Variants in NOTCH2NLC observed in about 807,000 individuals in gnomAD.
NOTCH2NLC encodes notch homolog 2 N-terminal-like protein C.
NOTCH2NLC carries 4 observed loss-of-function variants against 17.7 expected under a neutral mutation model. The ratio of observed to expected loss-of-function variants is 0.23; its 90% CI spans 0.11 to 0.52. The LOEUF (loss-of-function observed/expected upper bound fraction) is 0.52, where lower values mean the gene tolerates loss of function less well. Ranked by LOEUF, NOTCH2NLC falls within the 20% of genes least tolerant of loss-of-function variation. The pLI is 0.96. For synonymous variants in NOTCH2NLC, 18 were observed against 86.0 expected (o/e 0.21, Z 4.38); for missense variants, 57 against 207.2 (o/e 0.28, Z 4.45).
intron 1 of NOTCH2NLC, among the ~76,000 whole-genome samples, chr1:149,392,931 C>G (rs1485642882): frequency 2.0e-5 from 3 of 150,052 alleles, no homozygotes; most frequent in Admixed American, 2.0e-4. Flanking sequence ...ATTAGCCGGG[C>G]GTAGTGGCGG....
intron 1 of NOTCH2NLC, among the ~76,000 whole-genome samples, chr1:149,395,007 GT>G (rs1222745306): frequency 2.3e-4 from 34 of 148,124 alleles, no homozygotes; most frequent in African/African-American, 7.7e-4. Context: ...GATGTTCATT[GT>G]TCATGGTCAC....
intron 3 of NOTCH2NLC, among the ~76,000 whole-genome samples, chr1:149,461,155 A>G (rs2084647845): frequency 6.7e-6 from 1 of 149,938 alleles, no homozygotes; most frequent in Non-Finnish European, 1.5e-5. Context: ...GGCTGGTCTC[A>G]AACTCCTAAC....
intron 1 of NOTCH2NLC, among the ~76,000 whole-genome samples, chr1:149,430,077 G>A (rs1448947241): frequency 1.3e-5 from 2 of 149,468 alleles, no homozygotes; most frequent in Non-Finnish European, 1.5e-5. Flanking sequence ...GGCAGATTTC[G>A]AGTAGACTTC....
chr1:149,400,470 TAGC>T (rs1274833318), intron 1 of NOTCH2NLC, among the ~76,000 whole-genome samples: 6 of 140,324 alleles, frequency 4.3e-5, no homozygotes, highest in African/African-American at 7.8e-5. Flanking sequence ...TGGAAATAAT[TAGC>T]AGTATATAAC....
In NOTCH2NLC at chr1:149,421,313, C is replaced by T. The variant is rs1352635913; in HGVS notation, c.136-9629C>T. On this transcript the variant is annotated intron_variant, in intron 1 of 4. Transcript: ENST00000650865. ...GAGATCCAGACCATCCTGGCTAACA[C>T]GGTGAAACCCTGTCTCTACTAAAAA... is the stretch of plus-strand genomic sequence containing the variant. 1.2e-4 allele frequency among the ~76,000 whole-genome samples: 18 copies of T among 146,508 alleles called. 1 individual carries two copies. Among genetic ancestry groups the T allele is most frequent in the African/African-American group, 3.0e-4 (12 of 39,970 alleles).
At chr1:149,446,298 G>A (rs1465839217) in intron 2 of NOTCH2NLC, among the ~76,000 whole-genome samples, 4 of 95,894 alleles carry the variant, frequency 4.2e-5, no homozygotes, top group South Asian at 4.2e-4. Flanking sequence ...GAGATGTGAG[G>A]GTTGGGGTCT....
chr1:149,461,536 A>T (rs1223364137), intron 3 of NOTCH2NLC, among the ~76,000 whole-genome samples: 1 of 150,890 alleles, frequency 6.6e-6, no homozygotes. Context: ...TGTGTCTCCC[A>T]TTTACCTTTC....
At chr1:149,426,877 T>A (rs2084415875) in intron 1 of NOTCH2NLC, among the ~76,000 whole-genome samples, 1 of 150,832 alleles carries the variant, frequency 6.6e-6, no homozygotes, top group African/African-American at 2.4e-5. Flanking sequence ...AATTTTGAAA[T>A]GAGATCTGTC....
chr1:149,424,902 C>G (rs2084404528), intron 1 of NOTCH2NLC, among the ~76,000 whole-genome samples: 1 of 151,234 alleles, frequency 6.6e-6, no homozygotes, highest in Non-Finnish European at 1.5e-5. Context: ...CGAGAACTCA[C>G]TCATTACTGT....
At chr1:149,462,256 T>TTTTCTA (rs2101513619) in intron 3 of NOTCH2NLC, among the ~76,000 whole-genome samples, 1 of 141,062 alleles carries the variant, frequency 7.1e-6, no homozygotes, top group East Asian at 2.1e-4. Flanking sequence ...GAGGATATTT[T>TTTTCTA]TTTCTCTTTC....
rs1241588481 is a variant in NOTCH2NLC at position 149,405,645 on chromosome 1, AACTG to A, written c.135+14727_135+14730del. On this transcript the variant is annotated intron_variant, in intron 1 of 4. Coordinates refer to ENST00000650865, the MANE Select transcript of NOTCH2NLC (RefSeq NM_001364013.2). ...TTTAATGTAAACATTTTGTGCACTA[AACTG>A]ACTTACATTTTACTTTTTAAAACAA... is the stretch of plus-strand genomic sequence containing the variant. Among the ~76,000 whole-genome samples, 447 of 112,310 alleles carry A rather than the reference AACTG, an allele frequency of 4.0e-3. 7 individuals carry two copies. The highest frequency in any genetic ancestry group is 0.014 in the African/African-American group (417 of 29,234). 73.7% of individuals were successfully genotyped at this position (112,310 alleles called of 152,430 possible).
chr1:149,420,081 A>C (rs1448783750), intron 1 of NOTCH2NLC, among the ~76,000 whole-genome samples: 9 of 149,552 alleles, frequency 6.0e-5, no homozygotes, highest in African/African-American at 2.0e-4. Context: ...CGTGTTAGCC[A>C]GGATGGTGTC....
intron 2 of NOTCH2NLC, among the ~76,000 whole-genome samples, chr1:149,449,160 T>C (rs2084574761): frequency 6.6e-6 from 1 of 150,838 alleles, no homozygotes; most frequent in South Asian, 2.1e-4. Flanking sequence ...AGATTACTGG[T>C]GTGAGCCACC....
At chr1:149,461,796 T>G (rs1404429495) in intron 3 of NOTCH2NLC, among the ~76,000 whole-genome samples, 8,787 of 149,468 alleles carry the variant, frequency 0.059, 471 homozygotes, top group Middle Eastern at 0.088. Context: ...GGAATACTAT[T>G]CAGCCATAAA....
chr1:149,413,768 T>C (rs2084313094), intron 1 of NOTCH2NLC, among the ~76,000 whole-genome samples: 1 of 151,252 alleles, frequency 6.6e-6, no homozygotes, highest in Admixed American at 6.6e-5. Flanking sequence ...TGGGTGATTT[T>C]GGTTTCTGTT....
At chr1:149,424,779 G>T (rs1250766574) in intron 1 of NOTCH2NLC, among the ~76,000 whole-genome samples, 3 of 151,146 alleles carry the variant, frequency 2.0e-5, no homozygotes, top group African/African-American at 7.3e-5. Context: ...TCTGGTGAGG[G>T]CCCAAAAAAC....
intron 2 of NOTCH2NLC, among the ~76,000 whole-genome samples, chr1:149,442,454 CAACCACA>C (rs2084526035): frequency 1.9e-5 from 2 of 106,652 alleles, no homozygotes; most frequent in Admixed American, 1.0e-4. Context: ...AAGACATATA[CAACCACA>C]AACACCCAAA....
intron 1 of NOTCH2NLC, among the ~76,000 whole-genome samples, chr1:149,429,440 ATCC>A (rs2084431714): frequency 6.7e-6 from 1 of 149,930 alleles, no homozygotes; most frequent in South Asian, 2.1e-4. Flanking sequence ...CAGGCCACTT[ATCC>A]TCCCTGTTTT....
At chr1:149,435,874 A>T (rs1201338254) in intron 2 of NOTCH2NLC, among the ~76,000 whole-genome samples, 1 of 147,932 alleles carries the variant, frequency 6.8e-6, no homozygotes, top group Non-Finnish European at 1.5e-5. Context: ...CTTCTGCTGC[A>T]TGAACTGGGG....
Sources: gnomAD v4.1 joint callset for allele counts (sites outside exome capture counted in the v4.1 genomes callset) on GRCh38, gnomAD v4.1.1 for gene constraint, MANE v1.5 for transcripts, NCBI Gene and HGNC (gene_info 2026-07-23, HGNC 2026-07-21) for gene names.